Variants in GPC5 observed in about 807,000 individuals in gnomAD.
The protein encoded by GPC5 is glypican 5.
In GPC5, 47 loss-of-function variants were observed where a neutral mutation model predicts 53.9. That is an observed-to-expected ratio of 0.87 (90% CI 0.69 to 1.11). The LOEUF is 1.11. Among genes scored for constraint, GPC5 ranks in the 50% most tolerant of loss-of-function variants. The probability of loss-of-function intolerance (pLI) is 0.00; values close to 1 mark genes in which losing one functional copy is unlikely to be tolerated. For synonymous variants in GPC5, 286 were observed against 263.3 expected (o/e 1.09, Z -0.84); for missense variants, 748 against 713.1 (o/e 1.05, Z -0.56).
chr13:92,711,175 G>C (rs1359396417), intron 7 of GPC5, among the ~76,000 whole-genome samples: 3 of 152,166 alleles, frequency 2.0e-5, no homozygotes, highest in African/African-American at 4.8e-5. Flanking sequence ...CAAATCATAA[G>C]AGTTGCAAGT....
chr13:91,721,584 T>C (rs2036475220), intron 3 of GPC5, among the ~76,000 whole-genome samples: 1 of 152,218 alleles, frequency 6.6e-6, no homozygotes, highest in African/African-American at 2.4e-5. Context: ...AATTTAGCCC[T>C]TGGCAGAGCA....
At chr13:92,641,017 A>G (rs1448689390) in intron 7 of GPC5, among the ~76,000 whole-genome samples, 5 of 152,114 alleles carry the variant, frequency 3.3e-5, no homozygotes, top group South Asian at 2.1e-4. Context: ...ACCATTTGCA[A>G]CCATGGTGGT....
intron 5 of GPC5, among the ~76,000 whole-genome samples, chr13:91,905,008 G>T (rs2039538257): frequency 6.6e-6 from 1 of 151,938 alleles, no homozygotes; most frequent in South Asian, 2.1e-4. Context: ...GCAGCAAATG[G>T]CCTTAAATCA....
chr13:91,798,436 T>C (rs771428312), intron 5 of GPC5, among the ~76,000 whole-genome samples: 12 of 152,182 alleles, frequency 7.9e-5, no homozygotes, highest in Non-Finnish European at 1.6e-4. Flanking sequence ...GTGAGAACAT[T>C]CAGTGCTTGA....
intron 7 of GPC5, among the ~76,000 whole-genome samples, chr13:92,200,690 G>A (rs1256394332): frequency 6.6e-6 from 1 of 152,170 alleles, no homozygotes; most frequent in Non-Finnish European, 1.5e-5. Flanking sequence ...GTAAAACCAT[G>A]GGGGAGTTTC....
intron 7 of GPC5, among the ~76,000 whole-genome samples, chr13:92,541,518 T>C (rs1881930248): frequency 6.6e-6 from 1 of 151,872 alleles, no homozygotes; most frequent in African/African-American, 2.4e-5. Flanking sequence ...GATTTTCTAT[T>C]TTCTTTCTTA....
intron 7 of GPC5, among the ~76,000 whole-genome samples, chr13:92,159,688 C>T (rs956883198): frequency 2.7e-5 from 4 of 145,838 alleles, no homozygotes; most frequent in East Asian, 4.1e-4. Context: ...CTGCAAGCTC[C>T]GCCTCCCGGG....
intron 1 of GPC5, among the ~76,000 whole-genome samples, chr13:91,438,081 G>GT (rs1445689161): frequency 1.3e-5 from 2 of 151,974 alleles, no homozygotes; most frequent in Non-Finnish European, 2.9e-5. Context: ...TTTTTTCAAG[G>GT]TTTTTAACTT....
chr13:91,547,981 A>G (rs1226316491), intron 2 of GPC5, among the ~76,000 whole-genome samples: 1 of 152,158 alleles, frequency 6.6e-6, no homozygotes, highest in East Asian at 1.9e-4. Context: ...TTGATAAAGA[A>G]TATCTCTAAA....
intron 7 of GPC5, among the ~76,000 whole-genome samples, chr13:92,221,673 T>C (rs2139088506): frequency 6.6e-6 from 1 of 152,254 alleles, no homozygotes; most frequent in Middle Eastern, 3.4e-3. Context: ...CCTTTTCTGC[T>C]TATTCTTCTT....
At chr13:92,547,177 A>G (rs944411480) in intron 7 of GPC5, among the ~76,000 whole-genome samples, 2 of 152,198 alleles carry the variant, frequency 1.3e-5, no homozygotes, top group Admixed American at 6.5e-5. Context: ...TGAAAGAGGA[A>G]TTAGATTAAA....
At chr13:92,369,355 T>TGTA (rs2043632108) in intron 7 of GPC5, among the ~76,000 whole-genome samples, 1 of 152,162 alleles carries the variant, frequency 6.6e-6, no homozygotes, top group Admixed American at 6.5e-5. Flanking sequence ...GGCTAATTTT[T>TGTA]TTTGTAGAAA....
intron 7 of GPC5, among the ~76,000 whole-genome samples, chr13:92,181,269 A>G (rs2139035768): frequency 6.6e-6 from 1 of 152,252 alleles, no homozygotes; most frequent in East Asian, 1.9e-4. Flanking sequence ...TCAGACAAGA[A>G]GATCCACAAC....
At chr13:91,550,114 T>C (rs774449808) in intron 2 of GPC5, among the ~76,000 whole-genome samples, 8 of 152,094 alleles carry the variant, frequency 5.3e-5, no homozygotes, top group Non-Finnish European at 8.8e-5. Flanking sequence ...TCAATGTGTT[T>C]TACTACATGA....
chr13:92,669,691 T>G (rs1032517590), intron 7 of GPC5, among the ~76,000 whole-genome samples: 6 of 152,172 alleles, frequency 3.9e-5, no homozygotes, highest in African/African-American at 1.4e-4. Context: ...ATTTGTCCTC[T>G]TGGAAAGCAA....
intron 2 of GPC5, among the ~76,000 whole-genome samples, chr13:91,606,161 T>C (rs916001186): frequency 3.4e-5 from 5 of 145,776 alleles, no homozygotes; most frequent in Admixed American, 1.4e-4. Context: ...GTTTTTAGCA[T>C]GAAGGGTTGT....
intron 7 of GPC5, among the ~76,000 whole-genome samples, chr13:92,565,048 C>A (rs1213203507): frequency 6.6e-6 from 1 of 152,040 alleles, no homozygotes; most frequent in African/African-American, 2.4e-5. Context: ...AAACAGGACT[C>A]TTCTGGAAGG....
In GPC5 at chr13:91,674,703, TATTA is replaced by T. The variant is rs949250564; in HGVS notation, c.326-18479_326-18476del. On this transcript the variant is annotated intron_variant, in intron 2 of 7. Transcript: ENST00000377067. Reference sequence around the variant, plus strand: ...GCGTATGTGTATATATATGTATATATATTAATTATATATATATATGTCTCAGAGC... The same window carrying T: ...GCGTATGTGTATATATATGTATATATATTATATATATATATGTCTCAGAGC... Among the ~76,000 whole-genome samples the T allele has an allele frequency of 5.4e-5, 8 of 148,520 alleles. 1 individual carries two copies. Among genetic ancestry groups the T allele is most frequent in the African/African-American group, 1.5e-4 (6 of 40,786 alleles).
chr13:92,789,882 A>G (rs1876400654), intron 7 of GPC5, among the ~76,000 whole-genome samples: 1 of 152,142 alleles, frequency 6.6e-6, no homozygotes, highest in African/African-American at 2.4e-5. Flanking sequence ...TCCAAGTCCC[A>G]AAACCTCAAA....
Sources: allele counts gnomAD v4.1 joint callset (sites outside exome capture counted in the v4.1 genomes callset), GRCh38; gene constraint gnomAD v4.1.1; transcripts MANE v1.5; gene names NCBI Gene and HGNC (gene_info 2026-07-23, HGNC 2026-07-21).